PCBP2: variants seen among roughly 807,000 people sequenced by gnomAD.
The protein encoded by PCBP2 is poly(rC) binding protein 2.
Under a neutral mutation model 50.1 loss-of-function variants are expected in PCBP2, and 4 were observed. That is an observed-to-expected ratio of 0.08 (90% CI 0.04 to 0.18). The LOEUF (loss-of-function observed/expected upper bound fraction) is 0.18. Among genes scored for constraint, PCBP2 ranks in the 10% least tolerant of loss-of-function variants. The pLI, the probability that PCBP2 is intolerant of heterozygous loss-of-function variation, is 1.00. For synonymous variants in PCBP2, 179 were observed against 168.0 expected (o/e 1.07, Z -0.51); for missense variants, 161 against 474.3 (o/e 0.34, Z 6.14).
intron 6 of PCBP2, 103 bp downstream of exon 6, chr12:53,459,506 A>T (rs1941287306): frequency 1.0e-6 from 1 of 975,394 alleles, no homozygotes; most frequent in African/African-American, 1.6e-5. Context: ...ATTTTTATTG[A>T]AGTAACAGTT....
chr12:53,471,423 C>T (rs909477118), intron 13 of PCBP2, among the ~76,000 whole-genome samples: 1 of 151,970 alleles, frequency 6.6e-6, no homozygotes, highest in African/African-American at 2.4e-5. Flanking sequence ...ACTAAAAATA[C>T]AAAAATTGGC....
intron 14 of PCBP2, among the ~76,000 whole-genome samples, chr12:53,476,917 T>C (rs1942623744): frequency 6.6e-6 from 1 of 152,174 alleles, no homozygotes; most frequent in Admixed American, 6.5e-5. Context: ...TGTGGTTTTA[T>C]CTAGTTCTTG....
At chr12:53,454,696 C>T (rs1940858891) in intron 1 of PCBP2, 30 bp from the exon 2 acceptor site, 2 of 767,106 alleles carry the variant, frequency 2.6e-6, no homozygotes, top group South Asian at 1.5e-5. Context: ...TTGTTTTCCT[C>T]CTCTGATTTT....
rs1255012336 is a variant in PCBP2, at chr12:53,479,839, G to A, written c.*397G>A. ...GAAACTGGATGCCACAGTGATTCAT[G>A]TGGGTTTTATTCCTCTTGTCTTGCT... is the stretch of plus-strand genomic sequence containing the variant. On this transcript the variant is annotated 3_prime_UTR_variant, in exon 15 of 15. Transcript: ENST00000546463. The A allele has an allele frequency of 6.3e-6, 1 of 159,418 alleles. No homozygotes were observed. The highest frequency in any genetic ancestry group is 1.4e-5 in the Non-Finnish European group (1 of 73,046). The allele number at this position is 159,418 out of a possible 1,614,324, so 9.9% of individuals were successfully genotyped here.
At position 53,456,019 on chromosome 12, in the gene PCBP2, C is replaced by T. The variant is rs1592634988; in HGVS notation, c.243+18C>T. On this transcript the variant is annotated intron_variant, in intron 5 of 14. Transcript: ENST00000546463. ...TGGAAGAGGTTTGTTGTCTCCCACT[C>T]CCTCATTCTTCATTTTTAAGTGCTT... 7.2e-7 allele frequency: 1 copy of T among 1,394,706 alleles called. No homozygotes were observed. Among genetic ancestry groups the T allele is most frequent in the Non-Finnish European group, 1.0e-6 (1 of 980,894 alleles). The allele number at this position is 1,394,706 out of a possible 1,614,324, so 86.4% of individuals were successfully genotyped here.
At chr12:53,465,860 A>G (rs1453661119) in intron 9 of PCBP2, 72 bp from the exon 10 acceptor site, 3 of 1,210,546 alleles carry the variant, frequency 2.5e-6, no homozygotes, top group East Asian at 4.7e-5. Flanking sequence ...GCTAGTTGAA[A>G]TGTCTTTTTC....
rs903370184 is a variant in PCBP2, at chr12:53,480,139, C to A, written c.*697C>A. 6.6e-6 allele frequency: 1 copy of A among 152,188 alleles called. No homozygotes were observed. The allele number at this position is 152,188 out of a possible 1,614,324, so 9.4% of individuals were successfully genotyped here. A position where few individuals can be genotyped will look rare whatever the true frequency, so the allele number is the denominator to read the frequency against. On this transcript the variant is annotated 3_prime_UTR_variant, in exon 15 of 15. Transcript: ENST00000546463. ...GGGGAAAGGAATGACACATGACATA[C>A]ATGGCATACACATTAAGCAGTTGAT... is the stretch of plus-strand genomic sequence containing the variant.
intron 13 of PCBP2, among the ~76,000 whole-genome samples, chr12:53,469,487 G>C (rs1429682223): frequency 6.6e-6 from 1 of 151,832 alleles, no homozygotes; most frequent in Non-Finnish European, 1.5e-5. Context: ...TTGGGAGGCC[G>C]AGGCGGGTGG....
chr12:53,455,239 A>G (rs1940911280), intron 2 of PCBP2, 108 bp from the exon 3 acceptor site: 4 of 1,032,780 alleles, frequency 3.9e-6, no homozygotes, highest in South Asian at 1.6e-5. Flanking sequence ...ATTCCTTTTC[A>G]TAATGAATAC....
At chr12:53,459,111 A>G (rs1370746911) in intron 5 of PCBP2, among the ~76,000 whole-genome samples, 161 bp from the exon 6 acceptor site, 1 of 152,180 alleles carries the variant, frequency 6.6e-6, no homozygotes, top group Non-Finnish European at 1.5e-5. Context: ...TACATCAAAA[A>G]TAGTTTGAGA....
chr12:53,472,006 G>GA lies in PCBP2; in HGVS notation c.1052+199_1052+200insA, dbSNP rs201552613. 5.9e-4 allele frequency among the ~76,000 whole-genome samples: 88 copies of GA among 148,906 alleles called. 1 individual carries two copies. Among genetic ancestry groups the GA allele is most frequent in the Non-Finnish European group, 9.5e-4 (64 of 67,314 alleles). ...GCAGTAAGTTTTCAAGGGGTTGGTGGGGGGGGGAGCACAGATTGCCCGCAT... is the reference window on the plus strand; with the variant it reads ...GCAGTAAGTTTTCAAGGGGTTGGTGGAGGGGGGGAGCACAGATTGCCCGCAT... On this transcript the variant is annotated intron_variant, in intron 14 of 14. Transcript: ENST00000546463.
In PCBP2 at chr12:53,455,208, T is replaced by A. The variant is rs78543405; in HGVS notation, c.70-139T>A. 2.4e-3 allele frequency: 1,808 copies of A among 765,732 alleles called. 26 individuals carry two copies. In the African/African-American group the frequency reaches 0.028, roughly 12 times the overall value. The allele number at this position is 765,732 out of a possible 1,614,324, so 47.4% of individuals were successfully genotyped here. A position where few individuals can be genotyped will look rare whatever the true frequency, so the allele number is the denominator to read the frequency against. On this transcript the variant is annotated intron_variant, in intron 2 of 14. Coordinates refer to ENST00000546463, the MANE Select transcript of PCBP2 (RefSeq NM_031989.5). ...GGGTAATAATTAGCATAGATAGCAGTCTGTTGGCTAGACAGTTAAAATTCC... is the reference window on the plus strand; with the variant it reads ...GGGTAATAATTAGCATAGATAGCAGACTGTTGGCTAGACAGTTAAAATTCC...
In PCBP2 at chr12:53,453,271, C is replaced by G. The variant is rs181122627; in HGVS notation, c.-76+895C>G. The G allele has an allele frequency of 1.7e-4, 26 of 149,382 alleles. No individual in the cohort carries two copies. In the East Asian group the frequency reaches 4.8e-3, roughly 28 times the overall value. The allele number at this position is 149,382 out of a possible 1,614,324, so 9.3% of individuals were successfully genotyped here. A position where few individuals can be genotyped will look rare whatever the true frequency, so the allele number is the denominator to read the frequency against. On this transcript the variant is annotated intron_variant, in intron 1 of 14. Coordinates refer to ENST00000546463, the MANE Select transcript of PCBP2 (RefSeq NM_031989.5). ...GATATTTGTAAAGGGCTTCCTATTACATCTGCAAGAGGGTAAGGAATTAAA... is the reference window on the plus strand; with the variant it reads ...GATATTTGTAAAGGGCTTCCTATTAGATCTGCAAGAGGGTAAGGAATTAAA...
At position 53,480,067 on chromosome 12, in the gene PCBP2, T is replaced by C. The variant is rs937363940; in HGVS notation, c.*625T>C. ...TTGAGGATTAGACTTTCCGAGGACT[T>C]ACCTGTCCTAGGGGAGTAGGCAAGC... On this transcript the variant is annotated 3_prime_UTR_variant, in exon 15 of 15. Coordinates refer to ENST00000546463, the MANE Select transcript of PCBP2 (RefSeq NM_031989.5). The C allele has an allele frequency of 1.3e-5, 2 of 151,996 alleles. No individual in the cohort carries two copies. The highest frequency in any genetic ancestry group is 4.8e-5 in the African/African-American group (2 of 41,366). The allele number at this position is 151,996 out of a possible 1,614,324, so 9.4% of individuals were successfully genotyped here.
At position 53,464,809 on chromosome 12, in the gene PCBP2, C is replaced by T; in HGVS notation, c.629C>T (p.Pro210Leu). The change falls in exon 9 of 15, where the codon CCG becomes CTG. Residue 210 changes from proline (P) to leucine (L), a missense_variant. Pro to Leu is a moderately conservative substitution (Grantham distance 98). Transcript: ENST00000546463. The stretch of plus-strand genomic sequence containing the variant: ...AGTGCGAGCTTTCCCCACACCACCC[C>T]GTCCATGTGCCTCAACCCTGACCTG... ...SDSASFPHTT[P>L]SMCLNPDLEG... 3 of 1,612,064 alleles carry T rather than the reference C, an allele frequency of 1.9e-6. No homozygotes were observed. The highest frequency in any genetic ancestry group is 1.1e-5 in the South Asian group (1 of 90,744).
intron 14 of PCBP2, among the ~76,000 whole-genome samples, chr12:53,474,085 C>T (rs1942417815): frequency 6.6e-6 from 1 of 152,090 alleles, no homozygotes; most frequent in South Asian, 2.1e-4. Context: ...TTCTGTGGAG[C>T]TTATTTTGGG....
intron 14 of PCBP2, among the ~76,000 whole-genome samples, chr12:53,472,122 T>C (rs1251120517): frequency 1.3e-5 from 2 of 152,104 alleles, no homozygotes; most frequent in East Asian, 1.9e-4. Flanking sequence ...AATGTGGGTC[T>C]CTCTTGTTCT....
At chr12:53,457,302 T>G (rs1415780546) in intron 5 of PCBP2, among the ~76,000 whole-genome samples, 1 of 152,198 alleles carries the variant, frequency 6.6e-6, no homozygotes, top group African/African-American at 2.4e-5. Context: ...GTCCTCCTGT[T>G]TCGCCTCCCA....
chr12:53,456,145 C>G, intron 5 of PCBP2, 144 bp downstream of exon 5: 1 of 654,308 alleles, frequency 1.5e-6, no homozygotes, highest in Admixed American at 2.4e-5. Context: ...TAGCCTCCCA[C>G]AAAATTCGAG....
Sources: gnomAD v4.1 joint callset for allele counts (sites outside exome capture counted in the v4.1 genomes callset) on GRCh38, gnomAD v4.1.1 for gene constraint, MANE v1.5 for transcripts, NCBI Gene and HGNC (gene_info 2026-07-23, HGNC 2026-07-21) for gene names.